The following LAMC3 variants were observed in gnomAD, a reference collection of about 807,000 sequenced individuals.
The protein encoded by LAMC3 is laminin subunit gamma-3.
A neutral mutation model predicts 173.8 loss-of-function variants in LAMC3; 128 were observed. That is an observed-to-expected ratio of 0.74 (90% CI 0.64 to 0.85). The LOEUF is 0.85. Ranked by LOEUF, LAMC3 falls within the 40% of genes least tolerant of loss-of-function variation. The pLI is 0.00. For synonymous variants in LAMC3, 897 were observed against 909.1 expected (o/e 0.99, Z 0.24); for missense variants, 2,022 against 2,156.0 (o/e 0.94, Z 1.23).
rs768508234 is a variant in LAMC3 at position 131,061,129 on chromosome 9, C to T, written c.2253C>T (p.Asp751=). ...ACCCTTTCGCGGGCCAAGCCGACGA[C>T]TGCCAGCCCTGTCCCTGCCCTGGCC... The part of the protein sequence containing the change: ...YGNPFAGQAD[D]CQPCPCPGQS... The change falls in exon 13 of 28, where the codon GAC becomes GAT. Residue 751 remains aspartate (D), a synonymous_variant. Transcript: ENST00000361069. The T allele has an allele frequency of 1.4e-5, 22 of 1,613,640 alleles. No homozygotes were observed. In the South Asian group the frequency reaches 2.2e-4, roughly 16 times the overall value.
chr9:131,009,688 A>G lies in LAMC3; in HGVS notation c.373+101A>G. 7.1e-7 allele frequency: 1 copy of G among 1,409,488 alleles called. No homozygotes were observed. Among genetic ancestry groups the G allele is most frequent in the Non-Finnish European group, 9.7e-7 (1 of 1,035,626 alleles). The allele number at this position is 1,409,488 out of a possible 1,614,324, so 87.3% of individuals were successfully genotyped here. On this transcript the variant is annotated intron_variant, in intron 1 of 27. Transcript: ENST00000361069. This position sits in a 1 kb window ranked among gnomAD's most constrained non-coding sequence, Gnocchi z 4.3. ...CTGCTGTGCGCCCAGGTTGGGCTGCAGGACCCAGATATGGTGTTGGATGGA... is the reference window on the plus strand; with the variant it reads ...CTGCTGTGCGCCCAGGTTGGGCTGCGGGACCCAGATATGGTGTTGGATGGA...
Position 131,009,192 on chromosome 9 carries a change from G to T in LAMC3, c.-23G>T. On this transcript the variant is annotated 5_prime_UTR_variant, in exon 1 of 28. Coordinates refer to ENST00000361069, the MANE Select transcript of LAMC3 (RefSeq NM_006059.4). This position sits in a 1 kb window ranked among gnomAD's most constrained non-coding sequence, Gnocchi z 4.3. ...CCTAGCCGAGCGGGGCCGGCAGAGC[G>T]CGCGGCGTCGGTGCCCTTGACCATG... is the stretch of plus-strand genomic sequence containing the variant. 1 of 1,187,626 alleles carries T rather than the reference G, an allele frequency of 8.4e-7. No individual in the cohort carries two copies. Among genetic ancestry groups the T allele is most frequent in the South Asian group, 4.1e-5 (1 of 24,348 alleles). 73.6% of individuals were successfully genotyped at this position (1,187,626 alleles called of 1,614,324 possible).
At chr9:131,086,726 A>G (rs1830339037) in intron 25 of LAMC3, among the ~76,000 whole-genome samples, 2 of 151,562 alleles carry the variant, frequency 1.3e-5, no homozygotes, top group African/African-American at 4.9e-5. Context: ...TGTCTCTACT[A>G]AAAATACAAA....
chr9:131,064,618 C>G (rs189458020), intron 13 of LAMC3, among the ~76,000 whole-genome samples: 159 of 150,264 alleles, frequency 1.1e-3, no homozygotes, highest in African/African-American at 3.8e-3. Context: ...GAGCCGAGAT[C>G]GCGCCACTGC....
chr9:131,011,101 G>A (rs986102561), intron 1 of LAMC3, among the ~76,000 whole-genome samples: 3 of 152,236 alleles, frequency 2.0e-5, no homozygotes, highest in Admixed American at 1.3e-4. Context: ...GTTTATGCTA[G>A]TGAGAATGAA....
chr9:131,078,493 A>ACAAAT, intron 22 of LAMC3, among the ~76,000 whole-genome samples: 1 of 147,702 alleles, frequency 6.8e-6, no homozygotes, highest in African/African-American at 2.5e-5. Flanking sequence ...TCAAAACAAA[A>ACAAAT]CAAAACAAAA....
rs182502533 is a variant in LAMC3 at position 131,037,707 on chromosome 9, G to A, written c.977-1157G>A. 8.1e-4 allele frequency among the ~76,000 whole-genome samples: 124 copies of A among 152,318 alleles called. 1 individual carries two copies. Among genetic ancestry groups the A allele is most frequent in the Non-Finnish European group, 1.2e-3 (81 of 68,030 alleles). The stretch of plus-strand genomic sequence containing the variant: ...CTCGGCTCTCACTGTTGCCCAGGCT[G>A]GTCTTTACACTCCTAGGCTCAAGCA... On this transcript the variant is annotated intron_variant, in intron 4 of 27. Coordinates refer to ENST00000361069, the MANE Select transcript of LAMC3 (RefSeq NM_006059.4).
chr9:131,046,514 T>C (rs1386627291), intron 8 of LAMC3, among the ~76,000 whole-genome samples: 2 of 132,732 alleles, frequency 1.5e-5, no homozygotes, highest in Non-Finnish European at 3.1e-5. Flanking sequence ...GAGCTAATTT[T>C]TGTATTTTTT....
chr9:131,050,112 A>C (rs1834253563), intron 9 of LAMC3, among the ~76,000 whole-genome samples: 1 of 152,238 alleles, frequency 6.6e-6, no homozygotes, highest in Non-Finnish European at 1.5e-5. Context: ...CCATGAGCAA[A>C]AAACTCACTC....
Position 131,071,559 on chromosome 9 carries a change from C to G in LAMC3, c.3145C>G (p.Pro1049Ala). Residue 1049 changes from proline to alanine, a missense_variant, in exon 18 of 28, where the codon CCA becomes GCA. By Grantham distance (27) the Pro-to-Ala change is conservative (BLOSUM62 -1). Coordinates refer to ENST00000361069, the MANE Select transcript of LAMC3 (RefSeq NM_006059.4). ...GTCCGACTGTGGCAGTCCCTGGGGA[C>G]CACTAGACATTCTGCTGGGAGAGGC... Reference protein sequence around the residue: ...QGSDCGSPWGPLDILLGEAPR... With the variant: ...QGSDCGSPWGALDILLGEAPR... The G allele has an allele frequency of 6.2e-7, 1 of 1,612,502 alleles. No homozygotes were observed. The highest frequency in any genetic ancestry group is 8.5e-7 in the Non-Finnish European group (1 of 1,179,042).
rs1044904603 is a variant in LAMC3 at position 131,026,434 on chromosome 9, G to A, written c.523G>A (p.Glu175Lys). The A allele has an allele frequency of 7.4e-6, 12 of 1,613,596 alleles. No homozygotes were observed. The highest frequency in any genetic ancestry group is 1.3e-5 in the African/African-American group (1 of 74,938). Residue 175 changes from glutamate (E) to lysine (K), a missense_variant, in exon 2 of 28, where the codon GAG becomes AAG. Transcript: ENST00000361069. The surrounding 1 kb of genome is among the most constrained non-coding windows in gnomAD (Gnocchi z 4.8). Reference protein sequence around the residue: ...ASCQKTYGRPEGQYLRPGEDE... With the variant: ...ASCQKTYGRPKGQYLRPGEDE... Reference sequence around the variant, plus strand: ...CTGCCAGAAGACCTACGGCCGGCCCGAGGGCCAGTACCTGCGCCCCGGCGA... The same window carrying A: ...CTGCCAGAAGACCTACGGCCGGCCCAAGGGCCAGTACCTGCGCCCCGGCGA...
chr9:131,065,551 T>C (rs1588160105), intron 13 of LAMC3, among the ~76,000 whole-genome samples: 1 of 151,504 alleles, frequency 6.6e-6, no homozygotes, highest in Non-Finnish European at 1.5e-5. Context: ...AAGAAGAGAG[T>C]GATCAAGACA....
At chr9:131,071,346 C>T (rs1161515471) in intron 17 of LAMC3, 138 bp from the exon 18 acceptor site, 1 of 954,326 alleles carries the variant, frequency 1.0e-6, no homozygotes, top group Non-Finnish European at 1.6e-6. Context: ...GTGTGGCATA[C>T]CCTTAGCGCT....
chr9:131,056,806 T>C (rs538452532), intron 11 of LAMC3, 123 bp from the exon 12 acceptor site: 351 of 784,456 alleles, frequency 4.5e-4, no homozygotes, highest in Non-Finnish European at 5.7e-4. Flanking sequence ...AGAAAAATCA[T>C]TGATTGCTAG....
chr9:131,035,854 C>A (rs769166805), intron 3 of LAMC3, among the ~76,000 whole-genome samples: 1 of 152,172 alleles, frequency 6.6e-6, no homozygotes, highest in African/African-American at 2.4e-5. Context: ...TCCTCCCAGG[C>A]AGAAGCTTTC....
At chr9:131,068,674 C>G (rs565749131) in intron 15 of LAMC3, among the ~76,000 whole-genome samples, 1 of 152,164 alleles carries the variant, frequency 6.6e-6, no homozygotes, top group African/African-American at 2.4e-5. Flanking sequence ...GGTATAGTCT[C>G]CCCGAGACAC....
At chr9:131,021,771 C>T (rs1479869735) in intron 1 of LAMC3, among the ~76,000 whole-genome samples, 1 of 152,148 alleles carries the variant, frequency 6.6e-6, no homozygotes, top group African/African-American at 2.4e-5. Flanking sequence ...TTCCCATGAC[C>T]CCTTCTTTGG....
Position 131,069,672 on chromosome 9 carries a change from C to A in LAMC3, c.2891C>A (p.Ala964Asp), listed in dbSNP as rs1380550591. Residue 964 changes from alanine (A) to aspartate (D), a missense_variant and splice_region_variant, in exon 17 of 28, where the codon GCC becomes GAC. By Grantham distance (126) the Ala-to-Asp change is moderately radical (BLOSUM62 -2). Transcript: ENST00000361069. ...FFGFSIKGCR[A>D]CRCSPLGAAS... ...CACGCACTGCCCCTGGCCCCTCTAG[C>A]CTGCAGGTGCTCCCCACTGGGCGCT... 2 of 1,553,842 alleles carry A rather than the reference C, an allele frequency of 1.3e-6. No individual in the cohort carries two copies. The highest frequency in any genetic ancestry group is 2.3e-5 in the South Asian group (2 of 86,360).
intron 6 of LAMC3, among the ~76,000 whole-genome samples, chr9:131,040,368 G>C (rs1834027195): frequency 6.6e-6 from 1 of 152,068 alleles, no homozygotes; most frequent in Non-Finnish European, 1.5e-5. Context: ...TGGTAGAGAT[G>C]GGGTTTTGCC....
Sources: gnomAD v4.1 joint callset for allele counts (sites outside exome capture counted in the v4.1 genomes callset) on GRCh38, gnomAD v4.1.1 for gene constraint, Gnocchi (gnomAD v3.1) non-coding constraint, MANE v1.5 for transcripts, NCBI Gene and HGNC (gene_info 2026-07-23, HGNC 2026-07-21) for gene names.